The following TMEFF2 variants were observed in gnomAD, a reference collection of about 807,000 sequenced individuals.
TMEFF2 encodes the protein tomoregulin-2.
TMEFF2 carries 28 observed loss-of-function variants against 53.8 expected under a neutral mutation model. The observed-to-expected ratio is 0.52, with a 90% CI of 0.39 to 0.71. The LOEUF (loss-of-function observed/expected upper bound fraction) is 0.71. TMEFF2 is among the 30% of genes least tolerant of loss of function. The pLI is 0.00. For missense variants in TMEFF2, 353 were observed against 455.2 expected (o/e 0.78, Z 2.04); for synonymous variants, 162 against 166.3 (o/e 0.97, Z 0.20).
chr2:192,100,485 G>C (rs1689008906), intron 4 of TMEFF2, among the ~76,000 whole-genome samples: 1 of 152,146 alleles, frequency 6.6e-6, no homozygotes, highest in Admixed American at 6.6e-5. Flanking sequence ...TGTTTGGGTA[G>C]AATGACTATC....
At position 192,056,748 on chromosome 2, in the gene TMEFF2, C is replaced by T. The variant is rs536521609; in HGVS notation, c.536+931G>A. ...AGATGATAGTATTGGGAGGTAGGAC[C>T]TTTGGGAGGCGATTAGGTTATGGGG... is the stretch of plus-strand genomic sequence containing the variant. On this transcript the variant is annotated intron_variant, in intron 5 of 9. Transcript: ENST00000272771. Among the ~76,000 whole-genome samples, 8 of 152,104 alleles carry T rather than the reference C, an allele frequency of 5.3e-5. No individual in the cohort carries two copies. The East Asian group carries it at 1.4e-3, about 26-fold the overall frequency.
Position 191,998,290 on chromosome 2 carries a change from A to G in TMEFF2, c.717T>C (p.Asp239=), listed in dbSNP as rs1686272735. Residue 239 remains aspartate (D), a synonymous_variant, in exon 7 of 10, where the codon GAT becomes GAC. Coordinates refer to ENST00000272771, the MANE Select transcript of TMEFF2 (RefSeq NM_016192.4). ...CATAATCTGTTCTTGCATAATGCCC[A>G]TCTTCAGACTTAGTAGTTGTAGTTG... ...DNTTTTTKSE[D]GHYARTDYAE... 1 of 1,600,664 alleles carries G rather than the reference A, an allele frequency of 6.2e-7. No homozygotes were observed. The highest frequency in any genetic ancestry group is 8.5e-7 in the Non-Finnish European group (1 of 1,174,132).
At chr2:192,029,455 T>C (rs988842705) in intron 5 of TMEFF2, 10 of 152,318 alleles carry the variant, frequency 6.6e-5, no homozygotes, top group African/African-American at 2.4e-4. Flanking sequence ...AATGCAGCAA[T>C]AGAAAAGGAA....
At chr2:191,965,990 G>GAA (rs11347194) in intron 7 of TMEFF2, among the ~76,000 whole-genome samples, 7 of 141,304 alleles carry the variant, frequency 5.0e-5, no homozygotes, top group African/African-American at 1.4e-4. Flanking sequence ...TTTGATTTAA[G>GAA]AAAAAAAAAA....
At chr2:192,077,141 C>T (rs1456421104) in intron 4 of TMEFF2, among the ~76,000 whole-genome samples, 2 of 152,062 alleles carry the variant, frequency 1.3e-5, no homozygotes, top group Non-Finnish European at 1.5e-5. Context: ...CATTTCCTGA[C>T]CAGAAGGTGG....
chr2:191,998,399 A>G (rs1354204468), intron 6 of TMEFF2, 78 bp from the exon 7 acceptor site: 2 of 1,067,338 alleles, frequency 1.9e-6, no homozygotes, highest in African/African-American at 3.3e-5. Context: ...ATTTCCTCCA[A>G]CAATATCTTC....
At chr2:191,974,797 T>A (rs10204677) in intron 7 of TMEFF2, among the ~76,000 whole-genome samples, 1 of 152,068 alleles carries the variant, frequency 6.6e-6, no homozygotes, top group East Asian at 1.9e-4. Flanking sequence ...TGGAGAAGAA[T>A]TGTAGTTTTT....
chr2:192,174,511 GTTC>G (rs1480538680), intron 4 of TMEFF2, among the ~76,000 whole-genome samples: 2 of 151,410 alleles, frequency 1.3e-5, no homozygotes, highest in Admixed American at 6.6e-5. Flanking sequence ...TTGCTATACT[GTTC>G]TTCTTTTAGG....
intron 7 of TMEFF2, among the ~76,000 whole-genome samples, chr2:191,975,107 C>T (rs1685679883): frequency 6.7e-6 from 1 of 150,056 alleles, no homozygotes; most frequent in African/African-American, 2.4e-5. Context: ...ATTTTGATGA[C>T]ATAGAAAATG....
intron 1 of TMEFF2, 135 bp from the exon 2 acceptor site, chr2:192,192,124 T>C: frequency 3.3e-6 from 2 of 598,488 alleles, no homozygotes; most frequent in South Asian, 4.4e-5. Flanking sequence ...GCAAGGTCAC[T>C]GTCTACTGAT....
chr2:192,004,328 G>C (rs1686446559), intron 5 of TMEFF2, among the ~76,000 whole-genome samples: 1 of 152,210 alleles, frequency 6.6e-6, no homozygotes, highest in Non-Finnish European at 1.5e-5. Context: ...TGGCATCAAA[G>C]TCCAACTGGG....
chr2:192,025,431 A>G (rs959983585), intron 5 of TMEFF2, among the ~76,000 whole-genome samples: 11 of 151,846 alleles, frequency 7.2e-5, no homozygotes, highest in African/African-American at 2.7e-4. Context: ...CCAAAAACCC[A>G]AACTTGCTTC....
intron 4 of TMEFF2, among the ~76,000 whole-genome samples, chr2:192,161,262 G>A (rs944590813): frequency 3.3e-5 from 5 of 152,116 alleles, no homozygotes; most frequent in Middle Eastern, 6.8e-3. Context: ...TCCGCCTTCC[G>A]TGTTCAAGCG....
At chr2:192,080,929 G>A (rs1160926289) in intron 4 of TMEFF2, among the ~76,000 whole-genome samples, 1 of 151,904 alleles carries the variant, frequency 6.6e-6, no homozygotes, top group Non-Finnish European at 1.5e-5. Context: ...AATCTTAAAA[G>A]ATAACTATCC....
chr2:191,976,146 T>C (rs1433920427), intron 7 of TMEFF2, among the ~76,000 whole-genome samples: 1 of 152,192 alleles, frequency 6.6e-6, no homozygotes, highest in African/African-American at 2.4e-5. Context: ...AGAGTAATTG[T>C]GTCAAATTGA....
At chr2:192,096,030 A>G (rs962116362) in intron 4 of TMEFF2, among the ~76,000 whole-genome samples, 11 of 152,196 alleles carry the variant, frequency 7.2e-5, no homozygotes, top group Non-Finnish European at 5.9e-5. Flanking sequence ...AGGTTTTCAT[A>G]ATGAGAAGTG....
At chr2:192,190,361 G>A (rs1691432778) in intron 2 of TMEFF2, among the ~76,000 whole-genome samples, 2 of 152,078 alleles carry the variant, frequency 1.3e-5, no homozygotes, top group African/African-American at 4.8e-5. Context: ...CAAAGGGAAA[G>A]AAGGAAAAAA....
chr2:191,992,096 AATT>A (rs1686122949), intron 7 of TMEFF2, among the ~76,000 whole-genome samples: 1 of 152,112 alleles, frequency 6.6e-6, no homozygotes, highest in Non-Finnish European at 1.5e-5. Context: ...TTGACATCTT[AATT>A]CATTTCCTAG....
At chr2:192,062,972 T>G (rs1256316616) in intron 4 of TMEFF2, among the ~76,000 whole-genome samples, 2 of 141,524 alleles carry the variant, frequency 1.4e-5, no homozygotes, top group South Asian at 2.2e-4. Context: ...GGGAGTGTTT[T>G]TTTTTTTTGT....
Sources: allele counts gnomAD v4.1 joint callset (sites outside exome capture counted in the v4.1 genomes callset), GRCh38; gene constraint gnomAD v4.1.1; transcripts MANE v1.5; gene names NCBI Gene and HGNC (gene_info 2026-07-23, HGNC 2026-07-21).